Variants in INPP4B observed in about 807,000 individuals in gnomAD.
INPP4B encodes the protein inositol polyphosphate-4-phosphatase type II B, also known as inositol polyphosphate 4-phosphatase type II.
INPP4B carries 55 observed loss-of-function variants against 122.5 expected under a neutral mutation model. The observed-to-expected ratio is 0.45, with a 90% CI of 0.36 to 0.56. The LOEUF (loss-of-function observed/expected upper bound fraction) is 0.56, where lower values mean the gene tolerates loss of function less well. INPP4B is among the 20% of genes least tolerant of loss of function. The probability of loss-of-function intolerance (pLI) is 0.00; values close to 1 mark genes in which losing one functional copy is unlikely to be tolerated. For synonymous variants in INPP4B, 403 were observed against 388.7 expected (o/e 1.04, Z -0.43); for missense variants, 1,000 against 1,097.7 (o/e 0.91, Z 1.26).
intron 2 of INPP4B, among the ~76,000 whole-genome samples, chr4:142,598,962 G>T (rs1227353687): frequency 1.3e-5 from 2 of 152,184 alleles, no homozygotes; most frequent in East Asian, 3.9e-4. Flanking sequence ...GCTCAGGCTT[G>T]CATGTGAAAG....
chr4:142,189,473 T>G (rs887071189), intron 15 of INPP4B, among the ~76,000 whole-genome samples: 6 of 152,126 alleles, frequency 3.9e-5, no homozygotes, highest in African/African-American at 7.2e-5. Context: ...GAAAAAAACC[T>G]AATACATTAC....
At chr4:142,810,750 T>C (rs1779408430) in intron 1 of INPP4B, among the ~76,000 whole-genome samples, 2 of 152,210 alleles carry the variant, frequency 1.3e-5, no homozygotes, top group African/African-American at 2.4e-5. Flanking sequence ...AAGGCTGTTA[T>C]TAGTCTCACA....
intron 12 of INPP4B, among the ~76,000 whole-genome samples, chr4:142,211,916 T>G (rs1013438618): frequency 8.5e-5 from 13 of 152,166 alleles, no homozygotes; most frequent in Admixed American, 7.9e-4. Flanking sequence ...TGCTAATGCC[T>G]GGTCTTCACC....
At chr4:142,548,241 G>C (rs1290473240) in intron 2 of INPP4B, among the ~76,000 whole-genome samples, 1 of 152,200 alleles carries the variant, frequency 6.6e-6, no homozygotes, top group African/African-American at 2.4e-5. Flanking sequence ...CAGCATGAGA[G>C]AATGTTGAGA....
At chr4:142,372,625 A>G (rs1790339748) in intron 7 of INPP4B, among the ~76,000 whole-genome samples, 1 of 152,042 alleles carries the variant, frequency 6.6e-6, no homozygotes, top group South Asian at 2.1e-4. Flanking sequence ...CATTTCAATG[A>G]TGGGCACATC....
intron 2 of INPP4B, chr4:142,654,389 A>AAAAAAAC (rs1553983869): frequency 1.3e-5 from 2 of 148,522 alleles, no homozygotes; most frequent in Non-Finnish European, 1.5e-5. Flanking sequence ...AAAAAAAAAA[A>AAAAAAAC]CATAAAATGA....
intron 1 of INPP4B, among the ~76,000 whole-genome samples, chr4:142,805,904 A>C (rs1269055390): frequency 6.6e-6 from 1 of 152,188 alleles, no homozygotes; most frequent in Non-Finnish European, 1.5e-5. Context: ...CACATTGTTC[A>C]AGGCTCAACT....
chr4:142,255,705 A>T (rs1735521767), intron 11 of INPP4B, among the ~76,000 whole-genome samples: 1 of 152,230 alleles, frequency 6.6e-6, no homozygotes, highest in African/African-American at 2.4e-5. Context: ...TTCATAAAGT[A>T]AGTCCTGAGT....
chr4:142,160,634 G>A, intron 16 of INPP4B, 73 bp from the exon 17 acceptor site: 1 of 1,147,176 alleles, frequency 8.7e-7, no homozygotes, highest in African/African-American at 1.5e-5. Flanking sequence ...AAGGTCAATT[G>A]CAGATTTGTT....
intron 12 of INPP4B, among the ~76,000 whole-genome samples, chr4:142,237,408 A>G (rs1451297622): frequency 6.6e-6 from 1 of 152,158 alleles, no homozygotes; most frequent in Non-Finnish European, 1.5e-5. Flanking sequence ...CATATTTTAA[A>G]AGTTTAAATA....
At chr4:142,736,525 G>T (rs1766928443) in intron 1 of INPP4B, among the ~76,000 whole-genome samples, 1 of 152,248 alleles carries the variant, frequency 6.6e-6, no homozygotes, top group Admixed American at 6.5e-5. Flanking sequence ...TCCCTTGTAA[G>T]TTGGATTCCT....
chr4:142,707,809 T>C (rs921491340), intron 2 of INPP4B, among the ~76,000 whole-genome samples: 3 of 152,170 alleles, frequency 2.0e-5, no homozygotes, highest in Admixed American at 6.5e-5. Context: ...GCTATAAAGA[T>C]AGCTGAAAAT....
At chr4:142,090,501 G>A (rs1779025382) in intron 23 of INPP4B, among the ~76,000 whole-genome samples, 3 of 151,776 alleles carry the variant, frequency 2.0e-5, no homozygotes, top group African/African-American at 7.3e-5. Context: ...AATAGGTGAG[G>A]TTTCAAGATG....
chr4:142,132,067 T>A (rs1801582176), intron 18 of INPP4B, among the ~76,000 whole-genome samples: 1 of 152,204 alleles, frequency 6.6e-6, no homozygotes, highest in African/African-American at 2.4e-5. Flanking sequence ...ACCATATTTA[T>A]GAGAAAGTTA....
chr4:142,186,057 T>C (rs1386885331), intron 15 of INPP4B, among the ~76,000 whole-genome samples: 2 of 152,110 alleles, frequency 1.3e-5, no homozygotes, highest in Non-Finnish European at 2.9e-5. Flanking sequence ...CCATCAATGG[T>C]GTATTGGTTA....
At chr4:142,263,979 GGGA>G (rs1425915434) in intron 10 of INPP4B, among the ~76,000 whole-genome samples, 1 of 151,964 alleles carries the variant, frequency 6.6e-6, no homozygotes, top group Admixed American at 6.6e-5. Flanking sequence ...ATAGGAGCTG[GGGA>G]GGAGGTCAAA....
intron 1 of INPP4B, among the ~76,000 whole-genome samples, chr4:142,781,118 G>T (rs1464419746): frequency 6.6e-6 from 1 of 152,152 alleles, no homozygotes; most frequent in East Asian, 1.9e-4. Context: ...GATGGGGCTG[G>T]GTGTCAATGA....
At chr4:142,613,578 G>T (rs1743035958) in intron 2 of INPP4B, among the ~76,000 whole-genome samples, 1 of 152,076 alleles carries the variant, frequency 6.6e-6, no homozygotes, top group Non-Finnish European at 1.5e-5. Flanking sequence ...ATATATCTTT[G>T]TAAAGACCCT....
At chr4:142,609,034 G>A (rs1196963812) in intron 2 of INPP4B, among the ~76,000 whole-genome samples, 2 of 151,976 alleles carry the variant, frequency 1.3e-5, no homozygotes, top group African/African-American at 4.8e-5. Flanking sequence ...CTCGCTACAT[G>A]AAGTGCCTTT....
Sources: allele counts gnomAD v4.1 joint callset (sites outside exome capture counted in the v4.1 genomes callset), GRCh38; gene constraint gnomAD v4.1.1; transcripts MANE v1.5; gene names NCBI Gene and HGNC (gene_info 2026-07-23, HGNC 2026-07-21).